LNP1: variants seen among roughly 807,000 people sequenced by gnomAD.
LNP1 encodes leukemia NUP98 fusion partner 1.
LNP1 carries 12 observed loss-of-function variants against 14.5 expected under a neutral mutation model. The ratio of observed to expected loss-of-function variants is 0.83; its 90% CI spans 0.53 to 1.34. The LOEUF (loss-of-function observed/expected upper bound fraction) is 1.34, where lower values mean the gene tolerates loss of function less well. Ranked by LOEUF, LNP1 falls within the 40% of genes most tolerant of loss-of-function variation. LNP1 has a pLI of 0.00. For synonymous variants in LNP1, 75 were observed against 71.4 expected (o/e 1.05, Z -0.26); for missense variants, 198 against 210.9 (o/e 0.94, Z 0.38).
chr3:100,413,050 C>T (rs1707045159), intron 1 of LNP1, among the ~76,000 whole-genome samples: 1 of 152,222 alleles, frequency 6.6e-6, no homozygotes, highest in Admixed American at 6.5e-5. Context: ...AGCCGGGACA[C>T]CAATTGCTCC....
At chr3:100,424,831 T>C (rs1388934988) in intron 1 of LNP1, among the ~76,000 whole-genome samples, 1 of 152,190 alleles carries the variant, frequency 6.6e-6, no homozygotes, top group African/African-American at 2.4e-5. Flanking sequence ...AGGCATTTTA[T>C]AGCAAAATTA....
intron 1 of LNP1, among the ~76,000 whole-genome samples, chr3:100,423,207 A>G (rs1576229378): frequency 6.6e-6 from 1 of 152,194 alleles, no homozygotes; most frequent in South Asian, 2.1e-4. Context: ...TCTTCTGGAC[A>G]TAGCATTTCC....
At chr3:100,409,463 T>G (rs1270224905) in intron 1 of LNP1, among the ~76,000 whole-genome samples, 1 of 150,648 alleles carries the variant, frequency 6.6e-6, no homozygotes, top group Non-Finnish European at 1.5e-5. Context: ...GCCAAGACAG[T>G]GAAACCCTGT....
At chr3:100,441,947 G>A (rs1464497471) in intron 2 of LNP1, among the ~76,000 whole-genome samples, 2 of 152,198 alleles carry the variant, frequency 1.3e-5, no homozygotes, top group African/African-American at 2.4e-5. Context: ...TTACAGGCAT[G>A]AGCCACTGTG....
chr3:100,431,523 G>C (rs2148903792), intron 2 of LNP1, among the ~76,000 whole-genome samples: 1 of 152,234 alleles, frequency 6.6e-6, no homozygotes, highest in East Asian at 1.9e-4. Flanking sequence ...AAATATGACT[G>C]AATAGAATGG....
At chr3:100,446,017 A>G (rs975231616) in intron 2 of LNP1, among the ~76,000 whole-genome samples, 40 of 152,236 alleles carry the variant, frequency 2.6e-4, no homozygotes, top group African/African-American at 9.4e-4. Context: ...AAAAATGGCC[A>G]TACTGCTCAA....
rs568495047 is a variant in LNP1, at chr3:100,413,769, T to G, written c.-34+11330T>G. On this transcript the variant is annotated intron_variant, in intron 1 of 3. Transcript: ENST00000383693. ...CTGGGTCTGCCTGGAGAAAGGTGCT[T>G]CTTTTTATGATTTGCATGAAAATGC... is the stretch of plus-strand genomic sequence containing the variant. 3.9e-5 allele frequency among the ~76,000 whole-genome samples: 6 copies of G among 152,360 alleles called. No individual in the cohort carries two copies. In the South Asian group the frequency reaches 6.2e-4, roughly 16 times the overall value.
Position 100,431,795 on chromosome 3 carries a change from C to A in LNP1, c.156+1910C>A, listed in dbSNP as rs1421116059. On this transcript the variant is annotated intron_variant, in intron 2 of 3. Coordinates refer to ENST00000383693, the MANE Select transcript of LNP1 (RefSeq NM_001085451.2). ...ATCACTTGAACTAAGGAGTTTGAGA[C>A]CAGCCTGGGCAACATAGTGAGACTC... 2.7e-5 allele frequency among the ~76,000 whole-genome samples: 4 copies of A among 146,006 alleles called. No homozygotes were observed. In the East Asian group the frequency reaches 7.9e-4, roughly 29 times the overall value.
In LNP1 at chr3:100,418,059, A is replaced by ACTTTTTTTTTTTTTTT. The variant is rs565769310; in HGVS notation, c.-33-11638_-33-11637insCTTTTTTTTTTTTTTT. 2.6e-5 allele frequency among the ~76,000 whole-genome samples: 3 copies of ACTTTTTTTTTTTTTTT among 115,622 alleles called. 1 individual carries two copies. The highest frequency in any genetic ancestry group is 2.8e-4 in the South Asian group (1 of 3,604). 75.9% of individuals were successfully genotyped at this position (115,622 alleles called of 152,430 possible). A position where few individuals can be genotyped will look rare whatever the true frequency, so the allele number is the denominator to read the frequency against. On this transcript the variant is annotated intron_variant, in intron 1 of 3. Coordinates refer to ENST00000383693, the MANE Select transcript of LNP1 (RefSeq NM_001085451.2). ...GTTTTGTTCTTTCATTTCTCATACC[A>ACTTTTTTTTTTTTTTT]TTTTTTTTTTTTTTTTTTGAGATGG... is the stretch of plus-strand genomic sequence containing the variant.
At chr3:100,402,539 C>G (rs1471626638) in intron 1 of LNP1, 100 bp downstream of exon 1, 1 of 152,164 alleles carries the variant, frequency 6.6e-6, no homozygotes, top group Non-Finnish European at 1.5e-5. Flanking sequence ...TTGATCGTTG[C>G]AGGCAATAGG....
chr3:100,426,207 T>G (rs1707191496), intron 1 of LNP1, among the ~76,000 whole-genome samples: 1 of 152,230 alleles, frequency 6.6e-6, no homozygotes, highest in Non-Finnish European at 1.5e-5. Context: ...GTGATCCATG[T>G]GATTCGGATA....
At chr3:100,434,385 G>A (rs761503411) in intron 2 of LNP1, among the ~76,000 whole-genome samples, 1 of 152,054 alleles carries the variant, frequency 6.6e-6, no homozygotes, top group South Asian at 2.1e-4. Flanking sequence ...TATAAGTGTG[G>A]TCTTATTTCT....
chr3:100,408,712 C>T (rs1706996256), intron 1 of LNP1, among the ~76,000 whole-genome samples: 1 of 152,124 alleles, frequency 6.6e-6, no homozygotes, highest in Admixed American at 6.5e-5. Context: ...CTGAGTTTTA[C>T]TGTGACAGGC....
intron 1 of LNP1, among the ~76,000 whole-genome samples, chr3:100,425,781 T>C (rs1707186208): frequency 6.6e-6 from 1 of 152,226 alleles, no homozygotes; most frequent in Non-Finnish European, 1.5e-5. Flanking sequence ...GACAAAATCC[T>C]GAATTTTCAA....
Position 100,401,892 on chromosome 3 carries a change from C to G in LNP1, c.-581C>G, listed in dbSNP as rs1364991187. On this transcript the variant is annotated 5_prime_UTR_variant, in exon 1 of 4. Transcript: ENST00000383693. ...TCTGCGTTGTTAGGGGTTTCTTAAA[C>G]TGAGTTGGTAGAAATGCGAAGCGTC... 1.3e-5 allele frequency: 2 copies of G among 152,162 alleles called. No individual in the cohort carries two copies. Among genetic ancestry groups the G allele is most frequent in the Non-Finnish European group, 2.9e-5 (2 of 68,032 alleles). The allele number at this position is 152,162 out of a possible 1,614,324, so 9.4% of individuals were successfully genotyped here. A position where few individuals can be genotyped will look rare whatever the true frequency, so the allele number is the denominator to read the frequency against.
chr3:100,409,515 C>T (rs549236696), intron 1 of LNP1, among the ~76,000 whole-genome samples: 12 of 148,802 alleles, frequency 8.1e-5, no homozygotes, highest in South Asian at 2.1e-4. Flanking sequence ...TGGTGGTGGG[C>T]GCCTGCAATT....
chr3:100,418,632 T>C (rs1707112114), intron 1 of LNP1, among the ~76,000 whole-genome samples: 1 of 152,238 alleles, frequency 6.6e-6, no homozygotes, highest in African/African-American at 2.4e-5. Context: ...GTATAGTGTT[T>C]ACAAATATGG....
intron 1 of LNP1, among the ~76,000 whole-genome samples, chr3:100,423,657 T>C (rs947968157): frequency 6.6e-6 from 1 of 152,202 alleles, no homozygotes; most frequent in African/African-American, 2.4e-5. Flanking sequence ...AAGCTTCCTA[T>C]TCTGTAAGAG....
At chr3:100,441,159 C>A (rs1707340350) in intron 2 of LNP1, among the ~76,000 whole-genome samples, 1 of 152,164 alleles carries the variant, frequency 6.6e-6, no homozygotes, top group African/African-American at 2.4e-5. Flanking sequence ...ATTACAGTGG[C>A]AGCAAGATCA....
Sources: allele counts gnomAD v4.1 joint callset (sites outside exome capture counted in the v4.1 genomes callset), GRCh38; gene constraint gnomAD v4.1.1; transcripts MANE v1.5; gene names NCBI Gene and HGNC (gene_info 2026-07-23, HGNC 2026-07-21).